The following IGF1R variants were observed in gnomAD, a reference collection of about 807,000 sequenced individuals.
The protein encoded by IGF1R is insulin-like growth factor 1 receptor.
IGF1R carries 44 observed loss-of-function variants against 144.6 expected under a neutral mutation model. The observed-to-expected ratio is 0.30, with a 90% CI of 0.24 to 0.39. The LOEUF is 0.39. Ranked by LOEUF, IGF1R falls within the 10% of genes least tolerant of loss-of-function variation. IGF1R has a pLI of 1.00. For synonymous variants in IGF1R, 795 were observed against 722.8 expected, an observed-to-expected ratio of 1.10 and a Z score of -1.60; for missense variants, 1,355 against 1,833.7, an observed-to-expected ratio of 0.74 and a Z score of 4.77.
At chr15:98,732,240 C>T (rs1289863083) in intron 2 of IGF1R, among the ~76,000 whole-genome samples, 1 of 152,098 alleles carries the variant, frequency 6.6e-6, no homozygotes, top group Non-Finnish European at 1.5e-5. Flanking sequence ...GGAAGACTTG[C>T]CTAGGAGCAG....
intron 1 of IGF1R, among the ~76,000 whole-genome samples, chr15:98,659,140 T>C (rs2052546336): frequency 2.0e-5 from 3 of 152,226 alleles, no homozygotes; most frequent in South Asian, 2.1e-4. Flanking sequence ...AAATATGTTA[T>C]AGAACCTGGC....
chr15:98,851,594 T>C (rs1045819895), intron 2 of IGF1R, among the ~76,000 whole-genome samples: 2 of 152,060 alleles, frequency 1.3e-5, no homozygotes, highest in African/African-American at 4.8e-5. Context: ...TGATTATGCA[T>C]CTAGAGGCAT....
chr15:98,762,882 C>T lies in IGF1R; in HGVS notation c.640+54775C>T, dbSNP rs1454340683. Among the ~76,000 whole-genome samples, 3 of 151,862 alleles carry T rather than the reference C, an allele frequency of 2.0e-5. No homozygotes were observed. The East Asian group carries it at 5.8e-4, about 29-fold the overall frequency. On this transcript the variant is annotated intron_variant, in intron 2 of 20. Coordinates refer to ENST00000650285, the MANE Select transcript of IGF1R (RefSeq NM_000875.5). ...CCAACATGGTGAAACCCCATCTCTACTAAAAATACAAAAATTAGCTGGGTG... is the reference window on the plus strand; with the variant it reads ...CCAACATGGTGAAACCCCATCTCTATTAAAAATACAAAAATTAGCTGGGTG...
chr15:98,661,576 C>T (rs2052599405), intron 1 of IGF1R, among the ~76,000 whole-genome samples: 2 of 152,194 alleles, frequency 1.3e-5, no homozygotes, highest in African/African-American at 4.8e-5. Context: ...CTTAGCTGGA[C>T]AGCCTGGCCT....
intron 2 of IGF1R, among the ~76,000 whole-genome samples, chr15:98,876,529 G>C (rs4068008): frequency 1 from 151,902 of 152,334 alleles, 75,737 homozygotes; most frequent in Middle Eastern, 1. Context: ...ACTACCACCA[G>C]CTCTACCACC....
At chr15:98,742,287 A>G (rs1469393445) in intron 2 of IGF1R, among the ~76,000 whole-genome samples, 1 of 152,228 alleles carries the variant, frequency 6.6e-6, no homozygotes, top group Non-Finnish European at 1.5e-5. Flanking sequence ...TCTAAAACAG[A>G]TCAGTTCATG....
rs1228788464 is a variant in IGF1R at position 98,891,306 on chromosome 15, C to G, written c.641-19C>G. 1.2e-6 allele frequency: 2 copies of G among 1,603,376 alleles called. No individual in the cohort carries two copies. Among genetic ancestry groups the G allele is most frequent in the Non-Finnish European group, 1.7e-6 (2 of 1,179,676 alleles). On this transcript the variant is annotated intron_variant, in intron 2 of 20. Coordinates refer to ENST00000650285, the MANE Select transcript of IGF1R (RefSeq NM_000875.5). The surrounding 1 kb of genome is among the most constrained non-coding windows in gnomAD (Gnocchi z 4.7). Reference sequence around the variant, plus strand: ...CTCCCCTGCCCGGTCTCATCTCCGTCTCTCCTCTCTCTCCACAGTGTGCCC... The same window carrying G: ...CTCCCCTGCCCGGTCTCATCTCCGTGTCTCCTCTCTCTCCACAGTGTGCCC...
intron 2 of IGF1R, among the ~76,000 whole-genome samples, chr15:98,778,926 AC>A (rs1274819449): frequency 1.3e-5 from 2 of 152,158 alleles, no homozygotes; most frequent in Non-Finnish European, 2.9e-5. Flanking sequence ...CAGCCCCAAA[AC>A]CAGCTGTCTT....
intron 2 of IGF1R, among the ~76,000 whole-genome samples, chr15:98,808,188 G>A (rs1248227707): frequency 6.6e-6 from 1 of 152,188 alleles, no homozygotes; most frequent in Non-Finnish European, 1.5e-5. Flanking sequence ...GGTGGTATAA[G>A]ATATATTCAT....
chr15:98,662,364 G>A (rs1210154634), intron 1 of IGF1R, among the ~76,000 whole-genome samples: 3 of 152,114 alleles, frequency 2.0e-5, no homozygotes, highest in Non-Finnish European at 2.9e-5. Flanking sequence ...AAACCACTAA[G>A]TAACCACCTT....
intron 2 of IGF1R, among the ~76,000 whole-genome samples, chr15:98,813,856 C>T (rs188145144): frequency 1.3e-5 from 2 of 152,300 alleles, no homozygotes; most frequent in Admixed American, 1.3e-4. Context: ...TGAAGACACA[C>T]GAACCCCTTC....
chr15:98,713,729 G>T (rs1261432338), intron 2 of IGF1R, among the ~76,000 whole-genome samples: 4 of 152,090 alleles, frequency 2.6e-5, no homozygotes, highest in African/African-American at 9.7e-5. Flanking sequence ...TGCTGTGGAG[G>T]CTTTCTGGTA....
intron 2 of IGF1R, among the ~76,000 whole-genome samples, chr15:98,835,115 ACACCCACACACACC>A (rs1355397792): frequency 1.5e-4 from 21 of 137,604 alleles, no homozygotes; most frequent in African/African-American, 6.5e-4. Context: ...ACACACCCCT[ACACCCACACACACC>A]CACCCCTACA....
At chr15:98,939,874 G>A (rs1244156028) in intron 18 of IGF1R, among the ~76,000 whole-genome samples, 1 of 152,200 alleles carries the variant, frequency 6.6e-6, no homozygotes, top group African/African-American at 2.4e-5. Context: ...GGTGAGGGAC[G>A]ATCACTGCTC....
At chr15:98,675,991 AT>A (rs764450843) in intron 1 of IGF1R, among the ~76,000 whole-genome samples, 1 of 150,770 alleles carries the variant, frequency 6.6e-6, no homozygotes. Flanking sequence ...ACGCCTGGCT[AT>A]TTTTTTATTG....
At chr15:98,776,447 A>G (rs1190949670) in intron 2 of IGF1R, among the ~76,000 whole-genome samples, 4 of 152,328 alleles carry the variant, frequency 2.6e-5, no homozygotes, top group Non-Finnish European at 2.9e-5. Context: ...TGGCCTCCCA[A>G]AGTGCTGGGA....
At chr15:98,805,189 A>G (rs1239536874) in intron 2 of IGF1R, among the ~76,000 whole-genome samples, 1 of 152,184 alleles carries the variant, frequency 6.6e-6, no homozygotes, top group African/African-American at 2.4e-5. Context: ...TCTTATATAC[A>G]TGCAGGTGCG....
chr15:98,700,795 G>C (rs1238279093), intron 1 of IGF1R, among the ~76,000 whole-genome samples: 1 of 151,986 alleles, frequency 6.6e-6, no homozygotes, highest in Non-Finnish European at 1.5e-5. Context: ...CACTCTTCCT[G>C]GCAAGACCCT....
rs2141258649 is a variant in IGF1R at position 98,707,567 on chromosome 15, G to A, written c.100G>A (p.Gly34Arg). ...SLWPTSGEIC[G>R]PGIDIRNDYQ... is the part of the protein sequence containing the mutation. ...ACCCTCTTGTCTCCCTTCAGTCTGC[G>A]GGCCAGGCATCGACATCCGCAACGA... The change falls in exon 2 of 21, where the codon GGG becomes AGG. Residue 34 changes from glycine to arginine, a missense_variant. Gly to Arg is a moderately radical substitution (Grantham distance 125, BLOSUM62 -2). Transcript: ENST00000650285. This position sits in a 1 kb window ranked among gnomAD's most constrained non-coding sequence, Gnocchi z 6.7. 1.2e-6 allele frequency: 2 copies of A among 1,614,070 alleles called. No homozygotes were observed. Among genetic ancestry groups the A allele is most frequent in the Admixed American group, 1.7e-5 (1 of 60,018 alleles).
Sources: allele counts gnomAD v4.1 joint callset (sites outside exome capture counted in the v4.1 genomes callset), GRCh38; gene constraint gnomAD v4.1.1; non-coding constraint Gnocchi (gnomAD v3.1); transcripts MANE v1.5; gene names NCBI Gene and HGNC (gene_info 2026-07-23, HGNC 2026-07-21).